EEF2K: variants seen among roughly 807,000 people sequenced by gnomAD.
EEF2K encodes the protein alternative protein EEF2K.
Under a neutral mutation model 93.8 loss-of-function variants are expected in EEF2K, and 70 were observed. The ratio of observed to expected loss-of-function variants is 0.75; its 90% CI spans 0.62 to 0.91. The LOEUF is 0.91. Among genes scored for constraint, EEF2K ranks in the 40% least tolerant of loss-of-function variants. EEF2K has a pLI of 0.00. For synonymous variants in EEF2K, 376 were observed against 380.8 expected, an observed-to-expected ratio of 0.99 and a Z score of 0.15; for missense variants, 935 against 972.9, an observed-to-expected ratio of 0.96 and a Z score of 0.52.
intron 2 of EEF2K, among the ~76,000 whole-genome samples, chr16:22,238,850 G>T (rs894469459): frequency 6.6e-6 from 1 of 151,948 alleles, no homozygotes; most frequent in African/African-American, 2.4e-5. Context: ...CATTACTGGT[G>T]ATTTGTAGCT....
At chr16:22,264,749 A>G in intron 12 of EEF2K, 69 bp from the exon 13 acceptor site, 1 of 1,578,480 alleles carries the variant, frequency 6.3e-7, no homozygotes, top group Admixed American at 1.7e-5. Context: ...GGGCTGGACC[A>G]GCTCTCAGGA....
chr16:22,217,517 C>G (rs2046970522), intron 1 of EEF2K, among the ~76,000 whole-genome samples: 1 of 152,104 alleles, frequency 6.6e-6, no homozygotes, highest in African/African-American at 2.4e-5. Flanking sequence ...GATCTTGGCT[C>G]ACTGCAAACT....
At chr16:22,257,472 T>C in intron 8 of EEF2K, 87 bp downstream of exon 8, 1 of 1,570,218 alleles carries the variant, frequency 6.4e-7, no homozygotes, top group South Asian at 1.2e-5. Context: ...GGAAACAGGC[T>C]GAGACACTGT....
chr16:22,278,856 G>T (rs1239362624), intron 16 of EEF2K, among the ~76,000 whole-genome samples: 2 of 152,290 alleles, frequency 1.3e-5, no homozygotes, highest in East Asian at 3.9e-4. Flanking sequence ...GCAGTAGGAG[G>T]AGTTGAGGGT....
chr16:22,253,258 A>G (rs2047368338), intron 6 of EEF2K, among the ~76,000 whole-genome samples: 1 of 152,216 alleles, frequency 6.6e-6, no homozygotes, highest in Non-Finnish European at 1.5e-5. Context: ...GCATGAGCCC[A>G]CAGCTGAGAT....
chr16:22,238,069 C>T (rs940229717), intron 2 of EEF2K, among the ~76,000 whole-genome samples: 2 of 152,186 alleles, frequency 1.3e-5, no homozygotes, highest in Non-Finnish European at 2.9e-5. Context: ...GTGAGTGGAT[C>T]ACCTGAGGCC....
At chr16:22,266,012 G>C (rs1479752374) in intron 13 of EEF2K, among the ~76,000 whole-genome samples, 1 of 152,140 alleles carries the variant, frequency 6.6e-6, no homozygotes, top group East Asian at 1.9e-4. Flanking sequence ...GCTGAAATCT[G>C]TTCCACTGGC....
At chr16:22,220,634 A>G (rs1012248373) in intron 1 of EEF2K, among the ~76,000 whole-genome samples, 1 of 152,220 alleles carries the variant, frequency 6.6e-6, no homozygotes, top group South Asian at 2.1e-4. Flanking sequence ...TCGTAGAGAC[A>G]GGATTTCGCC....
chr16:22,264,290 A>C (rs143778753), intron 12 of EEF2K, among the ~76,000 whole-genome samples: 1 of 40,246 alleles, frequency 2.5e-5, no homozygotes, highest in African/African-American at 4.7e-4. Context: ...AGACTGTCTC[A>C]AAAAAAAAAA....
At chr16:22,281,788 T>C (rs1205515489) in intron 17 of EEF2K, among the ~76,000 whole-genome samples, 1 of 152,262 alleles carries the variant, frequency 6.6e-6, no homozygotes, top group African/African-American at 2.4e-5. Context: ...TTCATCTGTG[T>C]TGAAGTGTGT....
At chr16:22,224,660 AAAAG>A (rs139928724) in intron 1 of EEF2K, among the ~76,000 whole-genome samples, 40,544 of 142,510 alleles carry the variant, frequency 0.28, 6,127 homozygotes, top group East Asian at 0.59. Context: ...AAAGAAAAGA[AAAAG>A]AAAAAAGTCC....
intron 2 of EEF2K, among the ~76,000 whole-genome samples, chr16:22,237,094 G>A (rs1173716535): frequency 2.0e-5 from 3 of 151,128 alleles, no homozygotes; most frequent in Admixed American, 6.6e-5. Context: ...ACAGGCACAC[G>A]TCACCACGCC....
chr16:22,226,021 G>A, intron 2 of EEF2K, 46 bp downstream of exon 2: 1 of 1,603,028 alleles, frequency 6.2e-7, no homozygotes, highest in South Asian at 1.1e-5. Context: ...CTTAGCTGCT[G>A]TAAGGGATGG....
intron 15 of EEF2K, among the ~76,000 whole-genome samples, chr16:22,272,472 T>C (rs773566125): frequency 1.3e-5 from 2 of 152,146 alleles, no homozygotes; most frequent in Non-Finnish European, 2.9e-5. Context: ...AATGTCCAGA[T>C]CCAGAATAGG....
At chr16:22,244,087 TGCGTGGTGGCGGGC>T (rs1379353991) in intron 2 of EEF2K, among the ~76,000 whole-genome samples, 1 of 151,560 alleles carries the variant, frequency 6.6e-6, no homozygotes, top group African/African-American at 2.4e-5. Context: ...AAAGTAGCAG[TGCGTGGTGGCGGGC>T]GCCTATAATC....
chr16:22,249,377 T>C (rs758577886), intron 4 of EEF2K, among the ~76,000 whole-genome samples: 8 of 151,998 alleles, frequency 5.3e-5, no homozygotes, highest in Non-Finnish European at 1.2e-4. Context: ...TATGAAACTT[T>C]GTTTTAGTGT....
At chr16:22,227,395 T>G (rs915646962) in intron 2 of EEF2K, among the ~76,000 whole-genome samples, 2 of 152,040 alleles carry the variant, frequency 1.3e-5, no homozygotes, top group Admixed American at 6.5e-5. Context: ...AGCAAAAGTT[T>G]TGTATTTTCA....
Position 22,266,479 on chromosome 16 carries a change from T to C in EEF2K, c.1530T>C (p.Asn510=). 6.2e-7 allele frequency: 1 copy of C among 1,614,210 alleles called. No homozygotes were observed. Among genetic ancestry groups the C allele is most frequent in the Non-Finnish European group, 8.5e-7 (1 of 1,180,030 alleles). ...TGGCCCTGGAAGTGCAAAGGCTTAA[T>C]GCTCTGGACCTCGAAAAGAAAATCG... ...SAVALEVQRL[N]ALDLEKKIGK... is the part of the protein sequence containing the mutation. Residue 510 remains asparagine, a synonymous_variant, in exon 14 of 18, where the codon AAT becomes AAC. Coordinates refer to ENST00000263026, the MANE Select transcript of EEF2K (RefSeq NM_013302.5).
intron 16 of EEF2K, among the ~76,000 whole-genome samples, chr16:22,276,827 G>A (rs1004857002): frequency 2.6e-5 from 4 of 152,152 alleles, no homozygotes; most frequent in Admixed American, 6.6e-5. Context: ...GGGAGGCTGA[G>A]GCGGGTGGAT....
Sources: gnomAD v4.1 joint callset for allele counts (sites outside exome capture counted in the v4.1 genomes callset) on GRCh38, gnomAD v4.1.1 for gene constraint, MANE v1.5 for transcripts, NCBI Gene and HGNC (gene_info 2026-07-23, HGNC 2026-07-21) for gene names.